Variants in TBC1D9B observed in about 807,000 individuals in gnomAD.
TBC1D9B encodes TBC1 domain family, member 9B (with GRAM domain).
In TBC1D9B, 87 loss-of-function variants were observed where a neutral mutation model predicts 121.1. The observed-to-expected ratio is 0.72, with a 90% confidence interval of 0.60 to 0.86. The LOEUF is 0.86. TBC1D9B is among the 40% of genes least tolerant of loss of function. The pLI is 0.00. For missense variants in TBC1D9B, 1,540 were observed against 1,628.6 expected (o/e 0.95, Z 0.94); for synonymous variants, 668 against 670.1 (o/e 1.00, Z 0.05).
chr5:179,891,697 T>A lies in TBC1D9B; in HGVS notation c.837-111A>T. The A allele has an allele frequency of 8.1e-7, 1 of 1,233,806 alleles. No individual in the cohort carries two copies. The highest frequency in any genetic ancestry group is 1.1e-6 in the Non-Finnish European group (1 of 882,782). 76.4% of individuals were successfully genotyped at this position (1,233,806 alleles called of 1,614,324 possible). ...GCCTGTTTCCACATCAGATTCAGGA[T>A]CCCTGGGGTGGTCCCTTGAGCAAGT... is the stretch of plus-strand genomic sequence containing the variant. On this transcript the variant is annotated intron_variant, in intron 5 of 20. Coordinates refer to ENST00000355235, the MANE Select transcript of TBC1D9B (RefSeq NM_015043.4). This position sits in a 1 kb window ranked among gnomAD's most constrained non-coding sequence, Gnocchi z 4.3.
rs931160372 is a variant in TBC1D9B, at chr5:179,869,256, T to C, written c.2791+513A>G. 1.7e-4 allele frequency: 47 copies of C among 275,718 alleles called. 1 individual carries two copies. The highest frequency in any genetic ancestry group is 6.7e-4 in the African/African-American group (30 of 44,972). The allele number at this position is 275,718 out of a possible 1,614,324, so 17.1% of individuals were successfully genotyped here. On this transcript the variant is annotated intron_variant, in intron 17 of 20. Coordinates refer to ENST00000355235, the MANE Select transcript of TBC1D9B (RefSeq NM_015043.4). Reference sequence around the variant, plus strand: ...AGGGAGATGACCCCTCCTTGGAGCATTGTCCATGCAGCCACTCCTGCTGAG... The same window carrying C: ...AGGGAGATGACCCCTCCTTGGAGCACTGTCCATGCAGCCACTCCTGCTGAG...
chr5:179,899,368 T>C, intron 2 of TBC1D9B, 61 bp from the exon 3 acceptor site: 1 of 1,434,698 alleles, frequency 7.0e-7, no homozygotes, highest in Admixed American at 1.8e-5. Flanking sequence ...TAAACGCACA[T>C]TCAAAGAAGC....
At chr5:179,864,191 T>C in intron 20 of TBC1D9B, 63 bp from the exon 21 acceptor site, 2 of 1,460,462 alleles carry the variant, frequency 1.4e-6, no homozygotes, top group Non-Finnish European at 1.8e-6. Flanking sequence ...GGGGTCCATA[T>C]TAGCCAAACT....
rs540291632 is a variant in TBC1D9B, at chr5:179,900,471, C to A, written c.230-1164G>T. ...GGGGGTGGGACAGGAGGCCCACCCA[C>A]CAGGCATGAAGACAGCCTCAGCCAA... On this transcript the variant is annotated intron_variant, in intron 2 of 20. Transcript: ENST00000355235. 3.3e-5 allele frequency among the ~76,000 whole-genome samples: 5 copies of A among 152,134 alleles called. No individual in the cohort carries two copies. In the East Asian group the frequency reaches 7.8e-4, roughly 24 times the overall value.
chr5:179,871,548 CAG>C lies in TBC1D9B; in HGVS notation c.2416-20_2416-19del, dbSNP rs769704043. 9.2e-5 allele frequency: 148 copies of C among 1,611,198 alleles called. No homozygotes were observed. The highest frequency in any genetic ancestry group is 1.2e-4 in the Non-Finnish European group (138 of 1,178,612). On this transcript the variant is annotated intron_variant, in intron 14 of 20. Transcript: ENST00000355235. ...GCTCGGACCTAGAAGGAAGGAGAAA[CAG>C]GGTATATAGCTGGATCACAAGCTCC...
In TBC1D9B at chr5:179,899,177, G is replaced by A. The variant is rs1422346128; in HGVS notation, c.348+12C>T. On this transcript the variant is annotated intron_variant, in intron 3 of 20. Coordinates refer to ENST00000355235, the MANE Select transcript of TBC1D9B (RefSeq NM_015043.4). ...GGAAGGGTGAGAACAGAGAGTGGCG[G>A]GTAAACCTTACGTGTATCTTGCCCT... The A allele has an allele frequency of 1.3e-5, 21 of 1,577,132 alleles. No homozygotes were observed. Among genetic ancestry groups the A allele is most frequent in the South Asian group, 6.0e-5 (5 of 83,054 alleles).
In TBC1D9B at chr5:179,904,652, C is replaced by T. The variant is rs1761261100; in HGVS notation, c.229+50G>A. 1 of 1,502,296 alleles carries T rather than the reference C, an allele frequency of 6.7e-7. No homozygotes were observed. The highest frequency in any genetic ancestry group is 1.2e-5 in the South Asian group (1 of 82,640). The allele number at this position is 1,502,296 out of a possible 1,614,324, so 93.1% of individuals were successfully genotyped here. On this transcript the variant is annotated intron_variant, in intron 2 of 20. Transcript: ENST00000355235. The surrounding 1 kb of genome is among the most constrained non-coding windows in gnomAD (Gnocchi z 4.2). ...CACACCCCTTCCTCTCGGCAACGGCCCTTCCAGGGCAGGCCCTGCCCAGCA... is the reference window on the plus strand; with the variant it reads ...CACACCCCTTCCTCTCGGCAACGGCTCTTCCAGGGCAGGCCCTGCCCAGCA...
At position 179,890,880 on chromosome 5, in the gene TBC1D9B, TCACAGGGGAGAGCCGACGCCGCCC is replaced by T. The variant is rs1452060299; in HGVS notation, c.1044+475_1044+498del. ...GGAGCAAGTGAGAGCCAATGCAGCC[TCACAGGGGAGAGCCGACGCCGCCC>T]CACAGGGGAGAGCCGACCTCTGATG... On this transcript the variant is annotated intron_variant, in intron 6 of 20. Coordinates refer to ENST00000355235, the MANE Select transcript of TBC1D9B (RefSeq NM_015043.4). The surrounding 1 kb of genome is among the most constrained non-coding windows in gnomAD (Gnocchi z 5.0). Among the ~76,000 whole-genome samples, 4 of 152,092 alleles carry T rather than the reference TCACAGGGGAGAGCCGACGCCGCCC, an allele frequency of 2.6e-5. No homozygotes were observed. Among genetic ancestry groups the T allele is most frequent in the Non-Finnish European group, 4.4e-5 (3 of 68,002 alleles).
At position 179,867,847 on chromosome 5, in the gene TBC1D9B, G is replaced by C; in HGVS notation, c.2794C>G (p.Leu932Val). ...GCTGACTCGGCTTCCTCTGGGCTCA[G>C]AGCTGTGCTTGGAGAGAAGGCAGAG... Reference protein sequence around the residue: ...VLYKLHLPPALSPEEAESALE... With the variant: ...VLYKLHLPPAVSPEEAESALE... The change falls in exon 18 of 21, where the codon CTG (leucine) becomes GTG (valine). Residue 932 changes from leucine to valine, a missense_variant and splice_region_variant. Transcript: ENST00000355235. 6.6e-7 allele frequency: 1 copy of C among 1,517,716 alleles called. No individual in the cohort carries two copies. Among genetic ancestry groups the C allele is most frequent in the East Asian group, 2.3e-5 (1 of 43,942 alleles). 94.0% of individuals were successfully genotyped at this position (1,517,716 alleles called of 1,614,324 possible).
In TBC1D9B at chr5:179,864,101, G is replaced by A; in HGVS notation, c.3049C>T (p.Leu1017Phe). 3 of 1,612,974 alleles carry A rather than the reference G, an allele frequency of 1.9e-6. No homozygotes were observed. The highest frequency in any genetic ancestry group is 2.5e-6 in the Non-Finnish European group (3 of 1,179,654). Residue 1017 changes from leucine (L) to phenylalanine (F), a missense_variant, in exon 21 of 21, where the codon CTT becomes TTT. Leu to Phe is a conservative substitution (Grantham distance 22, BLOSUM62 0). Transcript: ENST00000355235. ...GGGTCTTCACTGAACATGTTGTAAA[G>A]CGTCTTGCACAGCTCAATGAACTGC... Reference protein sequence around the residue: ...QEQFIELCKTLYNMFSEDPME... With the variant: ...QEQFIELCKTFYNMFSEDPME...
In TBC1D9B at chr5:179,870,370, G is replaced by A. The variant is rs920942499; in HGVS notation, c.2610C>T (p.Ser870=). 3.1e-6 allele frequency: 5 copies of A among 1,613,726 alleles called. No homozygotes were observed. The highest frequency in any genetic ancestry group is 4.2e-6 in the Non-Finnish European group (5 of 1,180,038). ...DASQFRELFA[S]LTPWACGSHT... is the part of the protein sequence containing the mutation. Reference sequence around the variant, plus strand: ...GGGAGCCACAGGCCCAGGGTGTCAGGCTGGCAAAGAGTTCCCGGAACTGGC... The same window carrying A: ...GGGAGCCACAGGCCCAGGGTGTCAGACTGGCAAAGAGTTCCCGGAACTGGC... Residue 870 remains serine, a synonymous_variant, in exon 16 of 21, where the codon AGC becomes AGT. Transcript: ENST00000355235.
intron 8 of TBC1D9B, 139 bp from the exon 9 acceptor site, chr5:179,879,336 A>G: frequency 2.2e-6 from 3 of 1,363,456 alleles, no homozygotes; most frequent in Non-Finnish European, 3.0e-6. Flanking sequence ...CCCGGGAAAG[A>G]CCAGGCCGCG....
rs183881721 is a variant in TBC1D9B, at chr5:179,889,037, T to C, written c.1045-725A>G. On this transcript the variant is annotated intron_variant, in intron 6 of 20. Coordinates refer to ENST00000355235, the MANE Select transcript of TBC1D9B (RefSeq NM_015043.4). The stretch of plus-strand genomic sequence containing the variant: ...GGCAGTGGTGGAGGTGAGTGTGCAC[T>C]TTTTTTTTTTTTGAGACGGAGTCTC... Among the ~76,000 whole-genome samples, 840 of 138,684 alleles carry C rather than the reference T, an allele frequency of 6.1e-3. 10 individuals carry two copies. The highest frequency in any genetic ancestry group is 0.022 in the African/African-American group (796 of 35,910). The allele number at this position is 138,684 out of a possible 152,430, so 91.0% of individuals were successfully genotyped here.
At position 179,888,302 on chromosome 5, in the gene TBC1D9B, A is replaced by G. The variant is rs753974407; in HGVS notation, c.1055T>C (p.Val352Ala). The change falls in exon 7 of 21, where the codon GTC becomes GCC. Residue 352 changes from valine (V) to alanine (A), a missense_variant. Coordinates refer to ENST00000355235, the MANE Select transcript of TBC1D9B (RefSeq NM_015043.4). ...LIIPLREVTIVEKADSSSVLP... is the reference protein window; with the variant it reads ...LIIPLREVTIAEKADSSSVLP... ...CACGCTGGAGCTGTCAGCTTTTTCG[A>G]CAATGGTCACCTGAGAAGGTGAAAG... 2 of 1,610,724 alleles carry G rather than the reference A, an allele frequency of 1.2e-6. No individual in the cohort carries two copies. The highest frequency in any genetic ancestry group is 2.2e-5 in the South Asian group (2 of 90,644).
At chr5:179,870,602 G>C (rs1582077412) in intron 15 of TBC1D9B, 107 bp from the exon 16 acceptor site, 1 of 1,447,560 alleles carries the variant, frequency 6.9e-7, no homozygotes, top group East Asian at 2.5e-5. Context: ...AGCCTGCGGA[G>C]CCCTGGGGCG....
At position 179,894,427 on chromosome 5, in the gene TBC1D9B, A is replaced by G; in HGVS notation, c.536T>C (p.Val179Ala). 6.2e-7 allele frequency: 1 copy of G among 1,613,944 alleles called. No homozygotes were observed. The highest frequency in any genetic ancestry group is 1.1e-5 in the South Asian group (1 of 91,074). Residue 179 changes from valine (V) to alanine (A), a missense_variant, in exon 4 of 21, where the codon GTC becomes GCC. Coordinates refer to ENST00000355235, the MANE Select transcript of TBC1D9B (RefSeq NM_015043.4). ...GAAGGAGTAGAAGCACAGGTGGTTG[A>G]CCGTCAGGTACAGCCAGCCCTGCCG... ...VPRQGWLYLTVNHLCFYSFLL... is the reference protein window; with the variant it reads ...VPRQGWLYLTANHLCFYSFLL...
Position 179,902,162 on chromosome 5 carries a change from C to T in TBC1D9B, c.229+2540G>A, listed in dbSNP as rs1248925466. Among the ~76,000 whole-genome samples the T allele has an allele frequency of 1.3e-5, 2 of 152,204 alleles. No individual in the cohort carries two copies. Among genetic ancestry groups the T allele is most frequent in the African/African-American group, 4.8e-5 (2 of 41,454 alleles). ...TTCCACGTAAAAGCGTGTGCAGACACGTCATGTCCAGAGGAGTAAGGAGGA... is the reference window on the plus strand; with the variant it reads ...TTCCACGTAAAAGCGTGTGCAGACATGTCATGTCCAGAGGAGTAAGGAGGA... On this transcript the variant is annotated intron_variant, in intron 2 of 20. Transcript: ENST00000355235. This position sits in a 1 kb window ranked among gnomAD's most constrained non-coding sequence, Gnocchi z 4.9.
In TBC1D9B at chr5:179,879,617, T is replaced by G; in HGVS notation, c.1416+11A>C. The stretch of plus-strand genomic sequence containing the variant: ...TTGACGGAGGCTGGAGTGCCGGCGC[T>G]CAGGGCTCACCCCCTTGGCTCCAAG... On this transcript the variant is annotated intron_variant, in intron 8 of 20. Transcript: ENST00000355235. 1 of 1,613,742 alleles carries G rather than the reference T, an allele frequency of 6.2e-7. No homozygotes were observed. Among genetic ancestry groups the G allele is most frequent in the Admixed American group, 1.7e-5 (1 of 60,026 alleles).
At chr5:179,903,244 C>A (rs1761211281) in intron 2 of TBC1D9B, among the ~76,000 whole-genome samples, 1 of 152,218 alleles carries the variant, frequency 6.6e-6, no homozygotes, top group African/African-American at 2.4e-5. Context: ...TCACCTTCAA[C>A]ATAGAGAAGA....
Sources: gnomAD v4.1 joint callset for allele counts (sites outside exome capture counted in the v4.1 genomes callset) on GRCh38, gnomAD v4.1.1 for gene constraint, Gnocchi (gnomAD v3.1) non-coding constraint, MANE v1.5 for transcripts, NCBI Gene and HGNC (gene_info 2026-07-23, HGNC 2026-07-21) for gene names.